The following LRRTM4 variants were observed in gnomAD, a reference collection of about 807,000 sequenced individuals.
LRRTM4 encodes the protein leucine-rich repeat transmembrane neuronal protein 4.
LRRTM4 carries 25 observed loss-of-function variants against 47.6 expected under a neutral mutation model. The ratio of observed to expected loss-of-function variants is 0.53; its 90% confidence interval spans 0.38 to 0.73. The LOEUF (loss-of-function observed/expected upper bound fraction) is 0.73. Among genes scored for constraint, LRRTM4 ranks in the 30% least tolerant of loss-of-function variants. LRRTM4 has a pLI of 0.00. For missense variants in LRRTM4, 638 were observed against 713.4 expected, an observed-to-expected ratio of 0.89 and a Z score of 1.20; for synonymous variants, 311 against 269.5, an observed-to-expected ratio of 1.15 and a Z score of -1.51.
intron 3 of LRRTM4, among the ~76,000 whole-genome samples, chr2:77,309,042 G>GCCCAAACAATC (rs1677372405): frequency 1.3e-5 from 2 of 152,074 alleles, no homozygotes; most frequent in African/African-American, 4.8e-5. Flanking sequence ...TAAAAGGAAG[G>GCCCAAACAATC]CTGTCTGAGC....
chr2:77,287,279 G>A (rs116603305), intron 3 of LRRTM4, among the ~76,000 whole-genome samples: 1 of 151,984 alleles, frequency 6.6e-6, no homozygotes, highest in Non-Finnish European at 1.5e-5. Context: ...AGAACTTAGA[G>A]AATGGAGCAA....
In LRRTM4 at chr2:76,748,844, G is replaced by C; in HGVS notation, c.1624C>G (p.Gln542Glu). 6.2e-7 allele frequency: 1 copy of C among 1,614,002 alleles called. No individual in the cohort carries two copies. The change falls in exon 4 of 4, where the codon CAG becomes GAG. Residue 542 changes from glutamine to glutamate, a missense_variant. Coordinates refer to ENST00000409884, the MANE Select transcript of LRRTM4 (RefSeq NM_001134745.3). ...QPVIGYCQAH[Q>E]PLHVTKGYET... Reference sequence around the variant, plus strand: ...TAGCCCTTGGTGACATGGAGTGGCTGGTGGGCCTGGCAGTACCCGATCACA... The same window carrying C: ...TAGCCCTTGGTGACATGGAGTGGCTCGTGGGCCTGGCAGTACCCGATCACA...
At chr2:76,959,218 T>C (rs761903814) in intron 3 of LRRTM4, among the ~76,000 whole-genome samples, 10 of 151,720 alleles carry the variant, frequency 6.6e-5, no homozygotes, top group Non-Finnish European at 7.4e-5. Flanking sequence ...CTTGGTAAGA[T>C]GTCAAATTTT....
chr2:77,480,432 C>T (rs1196233940), intron 3 of LRRTM4, among the ~76,000 whole-genome samples: 1 of 152,080 alleles, frequency 6.6e-6, no homozygotes, highest in Non-Finnish European at 1.5e-5. Context: ...AATGTGTTAG[C>T]AATGCAAAGA....
intron 2 of LRRTM4, among the ~76,000 whole-genome samples, chr2:77,521,018 C>T (rs1185510324): frequency 6.6e-6 from 1 of 150,536 alleles, no homozygotes; most frequent in Admixed American, 6.6e-5. Context: ...ACCCATCCTT[C>T]TTCTCAAACA....
intron 3 of LRRTM4, among the ~76,000 whole-genome samples, chr2:77,042,511 C>CTCAACCAA (rs914290062): frequency 2.0e-5 from 3 of 151,550 alleles, no homozygotes; most frequent in Non-Finnish European, 4.4e-5. Flanking sequence ...ATTATAGGTA[C>CTCAACCAA]TCAACCAAAC....
In LRRTM4 at chr2:77,218,581, C is replaced by G. The variant is rs1028331001; in HGVS notation, c.1551+299737G>C. On this transcript the variant is annotated intron_variant, in intron 3 of 3. Coordinates refer to ENST00000409884, the MANE Select transcript of LRRTM4 (RefSeq NM_001134745.3). Reference sequence around the variant, plus strand: ...ATTGGAAATGGTTTTAATGTCTCACCAATATTTAATGAAAGCCAAATAGTT... The same window carrying G: ...ATTGGAAATGGTTTTAATGTCTCACGAATATTTAATGAAAGCCAAATAGTT... Among the ~76,000 whole-genome samples, 16 of 151,026 alleles carry G rather than the reference C, an allele frequency of 1.1e-4. No individual in the cohort carries two copies. In the East Asian group the frequency reaches 3.1e-3, roughly 29 times the overall value.
chr2:76,787,226 A>AT (rs1340370868), intron 3 of LRRTM4, among the ~76,000 whole-genome samples: 1 of 149,824 alleles, frequency 6.7e-6, no homozygotes, highest in Non-Finnish European at 1.5e-5. Context: ...AAACATGTTG[A>AT]TTGTGTGGGA....
chr2:77,013,107 C>T (rs948208443), intron 3 of LRRTM4, among the ~76,000 whole-genome samples: 1 of 151,880 alleles, frequency 6.6e-6, no homozygotes. Context: ...TCTTTTTTTC[C>T]TTCAGCTTTC....
At chr2:77,424,966 A>T (rs2103890534) in intron 3 of LRRTM4, among the ~76,000 whole-genome samples, 1 of 152,216 alleles carries the variant, frequency 6.6e-6, no homozygotes, top group Non-Finnish European at 1.5e-5. Context: ...TTGATGTTTT[A>T]AGTGGAATAT....
At chr2:77,290,366 T>C (rs1676788107) in intron 3 of LRRTM4, among the ~76,000 whole-genome samples, 2 of 151,704 alleles carry the variant, frequency 1.3e-5, no homozygotes, top group African/African-American at 4.8e-5. Context: ...CTCATGGAGA[T>C]TGAGAGTAGA....
intron 3 of LRRTM4, among the ~76,000 whole-genome samples, chr2:76,805,376 A>G (rs1675916275): frequency 6.6e-6 from 1 of 152,196 alleles, no homozygotes; most frequent in Non-Finnish European, 1.5e-5. Flanking sequence ...TTTAAAAGAA[A>G]AAACTACTTA....
intron 3 of LRRTM4, among the ~76,000 whole-genome samples, chr2:77,187,567 A>G (rs1260845013): frequency 2.6e-5 from 4 of 152,078 alleles, no homozygotes; most frequent in Non-Finnish European, 5.9e-5. Flanking sequence ...TGGCACGTGT[A>G]TACATATGTA....
chr2:77,309,681 TGATAGATAGATAGATAGATAGATAGATA>T (rs3084674), intron 3 of LRRTM4, among the ~76,000 whole-genome samples: 2 of 147,208 alleles, frequency 1.4e-5, no homozygotes, highest in Admixed American at 6.9e-5. Flanking sequence ...GATAGACAGA[TGATAGATAGATAGATAGATAGATAGATA>T]GATAGATAGA....
At chr2:76,934,257 C>T (rs1181529883) in intron 3 of LRRTM4, among the ~76,000 whole-genome samples, 1 of 152,154 alleles carries the variant, frequency 6.6e-6, no homozygotes, top group South Asian at 2.1e-4. Context: ...CCCACTTACA[C>T]ACATATGTAT....
intron 3 of LRRTM4, among the ~76,000 whole-genome samples, chr2:77,099,523 C>G (rs1223389286): frequency 6.6e-6 from 1 of 151,882 alleles, no homozygotes; most frequent in Non-Finnish European, 1.5e-5. Context: ...AAAATAATTA[C>G]ATTCAGAAAA....
rs144377859 is a variant in LRRTM4 at position 77,399,007 on chromosome 2, G to A, written c.1551+119311C>T. ...ATAAACTGCATATATTTTACAAATG[G>A]TAGCAGTTCTCCTGTCCATCCTGCC... On this transcript the variant is annotated intron_variant, in intron 3 of 3. Coordinates refer to ENST00000409884, the MANE Select transcript of LRRTM4 (RefSeq NM_001134745.3). Among the ~76,000 whole-genome samples the A allele has an allele frequency of 4.6e-4, 70 of 151,754 alleles. No homozygotes were observed. In the East Asian group the frequency reaches 0.013, roughly 28 times the overall value.
intron 3 of LRRTM4, among the ~76,000 whole-genome samples, chr2:77,512,089 C>T (rs1337156940): frequency 1.3e-5 from 2 of 152,278 alleles, no homozygotes; most frequent in East Asian, 1.9e-4. Flanking sequence ...TCACAAGTAG[C>T]TGGGACTACA....
At chr2:76,980,106 AAACT>A (rs1200093775) in intron 3 of LRRTM4, among the ~76,000 whole-genome samples, 1 of 152,104 alleles carries the variant, frequency 6.6e-6, no homozygotes, top group Admixed American at 6.6e-5. Flanking sequence ...TATAATACAT[AAACT>A]AAAATATTAC....
Sources: allele counts gnomAD v4.1 joint callset (sites outside exome capture counted in the v4.1 genomes callset), GRCh38; gene constraint gnomAD v4.1.1; transcripts MANE v1.5; gene names NCBI Gene and HGNC (gene_info 2026-07-23, HGNC 2026-07-21).